SCML4: variants seen among roughly 807,000 people sequenced by gnomAD.
The protein encoded by SCML4 is Scm polycomb group protein like 4, also known as sex comb on midleg-like protein 4.
SCML4 carries 34 observed loss-of-function variants against 41.1 expected under a neutral mutation model. The ratio of observed to expected loss-of-function variants is 0.83; its 90% confidence interval spans 0.63 to 1.10. The LOEUF (loss-of-function observed/expected upper bound fraction) is 1.10, where lower values mean the gene tolerates loss of function less well. SCML4 is among the 50% of genes least tolerant of loss of function. SCML4 has a pLI of 0.00. For missense variants in SCML4, 522 were observed against 534.1 expected (o/e 0.98, Z 0.22); for synonymous variants, 214 against 220.9 (o/e 0.97, Z 0.28).
At position 107,803,311 on chromosome 6, in the gene SCML4, C is replaced by A. The variant is rs1272195623; in HGVS notation, c.-60+20815G>T. ...CTGTGAAGTGAGGAGCCCCTCCGCCCGGCAGCCACTTTGTCTGGGAAGTGA... is the reference window on the plus strand; with the variant it reads ...CTGTGAAGTGAGGAGCCCCTCCGCCAGGCAGCCACTTTGTCTGGGAAGTGA... On this transcript the variant is annotated intron_variant, in intron 1 of 7. Transcript: ENST00000369020. 4.0e-5 allele frequency among the ~76,000 whole-genome samples: 6 copies of A among 150,200 alleles called. No individual in the cohort carries two copies. The East Asian group carries it at 1.0e-3, about 25-fold the overall frequency.
At chr6:107,712,335 A>C (rs1398266401) in intron 6 of SCML4, among the ~76,000 whole-genome samples, 2 of 152,182 alleles carry the variant, frequency 1.3e-5, no homozygotes, top group African/African-American at 4.8e-5. Flanking sequence ...ACCCAGACCA[A>C]TTAACAGCAT....
intron 1 of SCML4, among the ~76,000 whole-genome samples, chr6:107,792,873 T>C (rs1782440820): frequency 6.6e-6 from 1 of 152,100 alleles, no homozygotes; most frequent in African/African-American, 2.4e-5. Flanking sequence ...GGCCATTTTA[T>C]CAAAAAGCTA....
At chr6:107,837,595 T>C in the SCML4 span, among the ~76,000 whole-genome samples, 2 of 152,216 alleles carry the variant, frequency 1.3e-5, no homozygotes, top group Non-Finnish European at 2.9e-5. Flanking sequence ...GCCTAACTGG[T>C]GGCCTGTGGC....
chr6:107,813,389 T>TAC (rs1192015794), intron 1 of SCML4, among the ~76,000 whole-genome samples: 1 of 24,924 alleles, frequency 4.0e-5, no homozygotes, highest in African/African-American at 1.2e-4. Context: ...TATATATATA[T>TAC]ATATATATAT....
At chr6:107,815,673 C>CG (rs1290139857) in intron 1 of SCML4, among the ~76,000 whole-genome samples, 1 of 152,174 alleles carries the variant, frequency 6.6e-6, no homozygotes, top group African/African-American at 2.4e-5. Context: ...TGCCCAGAGG[C>CG]GGGTGCCTGC....
intron 1 of SCML4, among the ~76,000 whole-genome samples, chr6:107,797,262 A>G (rs1782779685): frequency 6.6e-6 from 1 of 152,074 alleles, no homozygotes; most frequent in Admixed American, 6.6e-5. Context: ...TACAATCCAT[A>G]CATATGGTAT....
chr6:107,771,504 G>C (rs1293872706), intron 2 of SCML4, among the ~76,000 whole-genome samples: 2 of 152,138 alleles, frequency 1.3e-5, no homozygotes, highest in Non-Finnish European at 2.9e-5. Context: ...GTTTATGATT[G>C]TGGTTACATC....
At chr6:107,713,330 ACT>A (rs1219926484) in intron 6 of SCML4, among the ~76,000 whole-genome samples, 2 of 151,878 alleles carry the variant, frequency 1.3e-5, no homozygotes, top group Non-Finnish European at 2.9e-5. Flanking sequence ...CATGTGATCG[ACT>A]CTCTGCTTCT....
At position 107,702,908 on chromosome 6, in the gene SCML4, C is replaced by A. The variant is rs962330554; in HGVS notation, c.*2292G>T. Among the ~76,000 whole-genome samples the A allele has an allele frequency of 1.3e-5, 2 of 152,090 alleles. No individual in the cohort carries two copies. Among genetic ancestry groups the A allele is most frequent in the Non-Finnish European group, 2.9e-5 (2 of 68,022 alleles). On this transcript the variant is annotated 3_prime_UTR_variant, in exon 8 of 8. Coordinates refer to ENST00000369020, the MANE Select transcript of SCML4 (RefSeq NM_198081.5). ...TGAGTCACAGGATGAGACAGGAGGT[C>A]AGCACAAGATATAGGTCATAAAGAC...
chr6:107,745,143 A>G lies in SCML4; in HGVS notation c.488T>C (p.Val163Ala). Reference sequence around the variant, plus strand: ...CTGTTTGCCATCAAAGGAAGCCGAGACTGGAAAACCAGAGAGATGTCAGCT... The same window carrying G: ...CTGTTTGCCATCAAAGGAAGCCGAGGCTGGAAAACCAGAGAGATGTCAGCT... ...KQGYGGEMVS[V>A]SASFDGKQHL... is the part of the protein sequence containing the mutation. The change falls in exon 5 of 8, where the codon GTC becomes GCC. Residue 163 changes from valine to alanine, a missense_variant and splice_region_variant. Transcript: ENST00000369020. 1 of 1,564,596 alleles carries G rather than the reference A, an allele frequency of 6.4e-7. No homozygotes were observed. The highest frequency in any genetic ancestry group is 8.7e-7 in the Non-Finnish European group (1 of 1,153,396).
rs546799937 is a variant in SCML4 at position 107,762,400 on chromosome 6, C to T, written c.156+9772G>A. Among the ~76,000 whole-genome samples, 8 of 152,252 alleles carry T rather than the reference C, an allele frequency of 5.3e-5. No individual in the cohort carries two copies. The South Asian group carries it at 1.7e-3, about 32-fold the overall frequency. On this transcript the variant is annotated intron_variant, in intron 2 of 7. Coordinates refer to ENST00000369020, the MANE Select transcript of SCML4 (RefSeq NM_198081.5). ...AGTAATTTTTAAAAATACGATTGGA[C>T]TAAACACCTAATTAAAAGACAAAGA...
chr6:107,709,550 C>T (rs965833288), intron 6 of SCML4, among the ~76,000 whole-genome samples: 1 of 152,222 alleles, frequency 6.6e-6, no homozygotes, highest in African/African-American at 2.4e-5. Context: ...GTCTCCCCAG[C>T]TTCCTTCCTC....
upstream of SCML4, among the ~76,000 whole-genome samples, chr6:107,824,991 A>G (rs943392868): frequency 6.6e-6 from 1 of 151,970 alleles, no homozygotes; most frequent in African/African-American, 2.4e-5. Context: ...CTTTGGCTCC[A>G]GGCCTGTATG....
intron 5 of SCML4, among the ~76,000 whole-genome samples, chr6:107,728,240 CGCAGATG>C (rs1376098553): frequency 6.6e-6 from 1 of 152,144 alleles, no homozygotes; most frequent in African/African-American, 2.4e-5. Context: ...AAAATACAGA[CGCAGATG>C]GCAGATCATT....
rs117853108 is a variant in SCML4, at chr6:107,756,218, A to G, written c.157-6405T>C. On this transcript the variant is annotated intron_variant, in intron 2 of 7. Coordinates refer to ENST00000369020, the MANE Select transcript of SCML4 (RefSeq NM_198081.5). ...TACAGTAAGGAAATGAAGGGGAAAT[A>G]TAACTTTACAATGGAGAAACCTGAT... Among the ~76,000 whole-genome samples the G allele has an allele frequency of 5.0e-3, 767 of 152,278 alleles. 11 individuals carry two copies. The East Asian group carries it at 0.063, about 13-fold the overall frequency.
intron 2 of SCML4, among the ~76,000 whole-genome samples, chr6:107,769,151 C>A (rs1780309851): frequency 6.6e-6 from 1 of 152,172 alleles, no homozygotes; most frequent in Non-Finnish European, 1.5e-5. Flanking sequence ...ATACGACGTT[C>A]AGAGGTTTTG....
intron 1 of SCML4, among the ~76,000 whole-genome samples, chr6:107,823,760 G>A (rs540400462): frequency 4.6e-5 from 7 of 151,998 alleles, no homozygotes; most frequent in East Asian, 1.9e-4. Flanking sequence ...CAAAATTATC[G>A]TGAAGGGAAA....
upstream of SCML4, among the ~76,000 whole-genome samples, chr6:107,829,086 T>A (rs551138272): frequency 6.6e-6 from 1 of 152,292 alleles, no homozygotes; most frequent in African/African-American, 2.4e-5. Context: ...AAAAAACTAA[T>A]GATTTACAAA....
intron 5 of SCML4, among the ~76,000 whole-genome samples, chr6:107,727,930 A>G (rs923956321): frequency 6.6e-6 from 1 of 152,270 alleles, no homozygotes; most frequent in Non-Finnish European, 1.5e-5. Flanking sequence ...AGGAAGCTAC[A>G]TGCAGTATCT....
Sources: gnomAD v4.1 joint callset for allele counts (sites outside exome capture counted in the v4.1 genomes callset) on GRCh38, gnomAD v4.1.1 for gene constraint, MANE v1.5 for transcripts, NCBI Gene and HGNC (gene_info 2026-07-23, HGNC 2026-07-21) for gene names.